The following PHKA2 variants were observed in gnomAD, a reference collection of about 807,000 sequenced individuals.
PHKA2 encodes the protein phosphorylase b kinase regulatory subunit alpha, liver isoform.
In PHKA2, 31 loss-of-function variants were observed where a neutral mutation model predicts 102.0. The ratio of observed to expected loss-of-function variants is 0.30; its 90% CI spans 0.23 to 0.41. The LOEUF is 0.41. Among genes scored for constraint, PHKA2 ranks in the 10% least tolerant of loss-of-function variants. PHKA2 has a pLI of 1.00. For missense variants in PHKA2, 858 were observed against 1,023.1 expected, an observed-to-expected ratio of 0.84 and a Z score of 2.20; for synonymous variants, 455 against 416.2, an observed-to-expected ratio of 1.09 and a Z score of -1.13.
At chrX:18,965,318 G>C (rs2048923670) in intron 1 of PHKA2, among the ~76,000 whole-genome samples, 1 of 111,952 alleles carries the variant, frequency 8.9e-6, no homozygotes, top group Non-Finnish European at 1.9e-5. Flanking sequence ...TTCAGCTCAG[G>C]GGGGCTGTCA....
At chrX:18,973,159 C>T (rs1030124697) in intron 1 of PHKA2, among the ~76,000 whole-genome samples, 1 of 111,185 alleles carries the variant, frequency 9.0e-6, no homozygotes, top group Non-Finnish European at 1.9e-5. Context: ...CCCACCACCA[C>T]ATCACATCCT....
rs199681415 is a variant in PHKA2 at position 18,940,056 on chromosome X, G to C, written c.865-8C>G. 8.5e-7 allele frequency: 1 copy of C among 1,180,827 alleles called. No homozygotes were observed. The highest frequency in any genetic ancestry group is 1.7e-5 in the African/African-American group (1 of 57,296). On this transcript the variant is annotated splice_polypyrimidine_tract_variant and splice_region_variant and intron_variant, in intron 8 of 32. Coordinates refer to ENST00000379942, the MANE Select transcript of PHKA2 (RefSeq NM_000292.3). The stretch of plus-strand genomic sequence containing the variant: ...ACAGCATCCATAACGCCCCTAATAA[G>C]AGAAAGTACATTCGATGAGCTCAGA...
chrX:18,932,733 G>A lies in PHKA2; in HGVS notation c.1138-985C>T, dbSNP rs181066281. The stretch of plus-strand genomic sequence containing the variant: ...GAGATAACGTTTTCTTCTTTCTACA[G>A]AATCCTAGATGTTTTGTCGTGCACA... On this transcript the variant is annotated intron_variant, in intron 11 of 32. Transcript: ENST00000379942. 8.1e-5 allele frequency among the ~76,000 whole-genome samples: 9 copies of A among 111,087 alleles called. No homozygotes were observed. The East Asian group carries it at 2.3e-3, about 28-fold the overall frequency.
chrX:18,925,817 T>C, intron 14 of PHKA2, 40 bp from the exon 15 acceptor site: 1 of 921,671 alleles, frequency 1.1e-6, no homozygotes, highest in Non-Finnish European at 1.6e-6. Context: ...TTAGAGGAAA[T>C]ACGGTTAACA....
chrX:18,931,560 C>T (rs1454411843), intron 12 of PHKA2, 81 bp downstream of exon 12: 1 of 689,762 alleles, frequency 1.4e-6, no homozygotes, highest in Non-Finnish European at 2.4e-6. Context: ...GCACGCCTGG[C>T]AGAGAGTCCC....
intron 30 of PHKA2, among the ~76,000 whole-genome samples, chrX:18,896,962 G>A (rs940391984): frequency 4.5e-5 from 5 of 111,622 alleles, no homozygotes; most frequent in African/African-American, 6.5e-5. Flanking sequence ...GGCATCTGGC[G>A]GGTAGAGGCC....
chrX:18,894,216 G>A lies in PHKA2; in HGVS notation c.3525C>T (p.Phe1175=). 8.3e-7 allele frequency: 1 copy of A among 1,211,295 alleles called. No homozygotes were observed. Residue 1175 remains phenylalanine (F), a synonymous_variant, in exon 32 of 33, where the codon TTC becomes TTT. Transcript: ENST00000379942. ...CTGGCACCCCCACCTGGTCCTGCAA[G>A]AACAGCTGACTGGCCATCTGCACGA... is the stretch of plus-strand genomic sequence containing the variant. ...DQIVQMASQL[F]LQDQVSIGAM...
intron 11 of PHKA2, among the ~76,000 whole-genome samples, chrX:18,932,848 TCA>T (rs2048337481): frequency 9.0e-6 from 1 of 111,685 alleles, no homozygotes; most frequent in South Asian, 3.7e-4. Flanking sequence ...GCATGGTGGC[TCA>T]CACCTGTAAT....
At chrX:18,942,905 G>A (rs978152180) in intron 7 of PHKA2, among the ~76,000 whole-genome samples, 12 of 109,182 alleles carry the variant, frequency 1.1e-4, no homozygotes, top group Non-Finnish European at 1.9e-4. Context: ...ACCTAAAGGG[G>A]AAAAATTGAG....
intron 1 of PHKA2, among the ~76,000 whole-genome samples, chrX:18,967,171 A>C (rs1313149551): frequency 1.8e-5 from 2 of 110,734 alleles, no homozygotes; most frequent in East Asian, 5.7e-4. Context: ...GCTTTCTCTC[A>C]TTTTCTCCTG....
intron 19 of PHKA2, chrX:18,915,220 G>A (rs2047998296): frequency 9.1e-6 from 1 of 109,953 alleles, no homozygotes; most frequent in Non-Finnish European, 1.9e-5. Flanking sequence ...GCATGCACCT[G>A]TGGTCCCAGC....
chrX:18,898,497 A>G (rs1278815337), intron 29 of PHKA2, among the ~76,000 whole-genome samples: 1 of 112,883 alleles, frequency 8.9e-6, no homozygotes, highest in Non-Finnish European at 1.9e-5. Flanking sequence ...CACACATCAA[A>G]TGTGCACAGT....
chrX:18,943,958 G>T, intron 6 of PHKA2, 150 bp from the exon 7 acceptor site: 1 of 480,572 alleles, frequency 2.1e-6, no homozygotes, highest in African/African-American at 2.4e-5. Context: ...CTGTAGTCAT[G>T]TTCTAGTCTT....
intron 1 of PHKA2, among the ~76,000 whole-genome samples, chrX:18,973,148 G>A (rs1396570010): frequency 9.0e-6 from 1 of 110,785 alleles, no homozygotes; most frequent in Admixed American, 9.6e-5. Context: ...GATTACAGGC[G>A]CCCACCACCA....
intron 22 of PHKA2, 33 bp from the exon 23 acceptor site, chrX:18,907,130 G>A (rs1296313177): frequency 5.8e-6 from 6 of 1,039,845 alleles, no homozygotes; most frequent in African/African-American, 1.9e-5. Flanking sequence ...GAGAGGCAGA[G>A]CGCGAGAGAG....
At chrX:18,929,121 GCA>G (rs888046509) in intron 13 of PHKA2, 105 bp downstream of exon 13, 6 of 554,733 alleles carry the variant, frequency 1.1e-5, no homozygotes, top group African/African-American at 9.2e-5. Flanking sequence ...TAAAGCATAG[GCA>G]CATACACACT....
chrX:18,974,244 G>A (rs2049054765), intron 1 of PHKA2, among the ~76,000 whole-genome samples: 1 of 109,342 alleles, frequency 9.1e-6, no homozygotes, highest in African/African-American at 3.3e-5. Flanking sequence ...CCCAACCACT[G>A]CTCTTATTTA....
chrX:18,911,674 A>G (rs1292853578), intron 19 of PHKA2, among the ~76,000 whole-genome samples: 1 of 112,236 alleles, frequency 8.9e-6, no homozygotes, highest in Non-Finnish European at 1.9e-5. Context: ...AGGAAAGATC[A>G]CTTATTTAGT....
At chrX:18,954,527 A>C (rs1002696264) in intron 1 of PHKA2, 115 bp from the exon 2 acceptor site, 2 of 686,207 alleles carry the variant, frequency 2.9e-6, no homozygotes, top group Non-Finnish European at 2.2e-6. Flanking sequence ...GGGAGACCAA[A>C]GTTCCAGTCC....
Sources: gnomAD v4.1 joint callset for allele counts (sites outside exome capture counted in the v4.1 genomes callset) on GRCh38, gnomAD v4.1.1 for gene constraint, MANE v1.5 for transcripts, NCBI Gene and HGNC (gene_info 2026-07-23, HGNC 2026-07-21) for gene names.